SRPRB: variants seen among roughly 807,000 people sequenced by gnomAD.
SRPRB encodes the protein signal recognition particle receptor subunit beta.
SRPRB carries 20 observed loss-of-function variants against 31.9 expected under a neutral mutation model. The ratio of observed to expected loss-of-function variants is 0.63; its 90% confidence interval spans 0.44 to 0.91. SRPRB has a LOEUF of 0.91. Ranked by LOEUF, SRPRB falls within the 40% of genes least tolerant of loss-of-function variation. The probability of loss-of-function intolerance (pLI) is 0.00; values close to 1 mark genes in which losing one functional copy is unlikely to be tolerated. For missense variants in SRPRB, 321 were observed against 324.9 expected (o/e 0.99, Z 0.09); for synonymous variants, 146 against 132.8 (o/e 1.10, Z -0.68).
chr3:133,822,034 G>C (rs1935482276), downstream of SRPRB, among the ~76,000 whole-genome samples: 1 of 152,148 alleles, frequency 6.6e-6, no homozygotes, highest in African/African-American at 2.4e-5. Flanking sequence ...GTTTTGATGG[G>C]AGGTCAAATG....
intron 1 of SRPRB, among the ~76,000 whole-genome samples, chr3:133,798,158 A>G (rs903861848): frequency 3.3e-5 from 5 of 152,248 alleles, no homozygotes; most frequent in Non-Finnish European, 7.3e-5. Flanking sequence ...TCTTTTTGTT[A>G]TAATTGATAG....
intron 3 of SRPRB, 21 bp from the exon 4 acceptor site, chr3:133,811,094 AAT>A: frequency 1.2e-6 from 2 of 1,612,360 alleles, no homozygotes; most frequent in Non-Finnish European, 1.7e-6. Context: ...TTGAAACGTT[AAT>A]GTTATTGCTG....
chr3:133,818,176 A>G (rs1451170005), intron 6 of SRPRB, among the ~76,000 whole-genome samples: 15 of 152,176 alleles, frequency 9.9e-5, no homozygotes, highest in Non-Finnish European at 4.4e-5. Flanking sequence ...TTTTCTAAAA[A>G]TTCTCTTGAA....
chr3:133,786,625 A>G (rs1322118791), intron 1 of SRPRB: 1 of 152,252 alleles, frequency 6.6e-6, no homozygotes, highest in African/African-American at 2.4e-5. Context: ...AAAAGTAGTT[A>G]GTAAACTAAT....
downstream of SRPRB, chr3:133,827,649 A>T (rs1935587119): frequency 3.7e-6 from 2 of 544,318 alleles, no homozygotes; most frequent in South Asian, 4.6e-5. Flanking sequence ...GGGTGAAAAC[A>T]TAGCAACAAA....
At chr3:133,824,758 G>C (rs1393183655), downstream of SRPRB, 1 of 152,148 alleles carries the variant, frequency 6.6e-6, no homozygotes, top group African/African-American at 2.4e-5. Flanking sequence ...CATATGCTGG[G>C]AAGAACCTAG....
downstream of SRPRB, among the ~76,000 whole-genome samples, chr3:133,822,685 CTA>C (rs1222693434): frequency 3.9e-5 from 6 of 152,176 alleles, no homozygotes; most frequent in African/African-American, 9.7e-5. Context: ...TTCAGCCAGT[CTA>C]TGTTTTTTCT....
At chr3:133,815,807 T>A in intron 5 of SRPRB, 81 bp downstream of exon 5, 1 of 1,504,728 alleles carries the variant, frequency 6.6e-7, no homozygotes, top group Non-Finnish European at 9.1e-7. Context: ...TATTTACAGT[T>A]GTTATTATTG....
intron 3 of SRPRB, among the ~76,000 whole-genome samples, chr3:133,808,322 G>GT (rs1553743722): frequency 3.9e-4 from 56 of 142,716 alleles, no homozygotes; most frequent in African/African-American, 8.1e-4. Flanking sequence ...ATCCTTTATT[G>GT]TTGTTTTTTT....
chr3:133,826,393 T>C (rs1935563377), downstream of SRPRB: 1 of 152,254 alleles, frequency 6.6e-6, no homozygotes, highest in Admixed American at 6.5e-5. Flanking sequence ...TTTTATGGGA[T>C]GTTTTTTTAA....
chr3:133,818,849 G>T (rs1935413664), intron 6 of SRPRB, among the ~76,000 whole-genome samples: 1 of 148,688 alleles, frequency 6.7e-6, no homozygotes, highest in African/African-American at 2.5e-5. Flanking sequence ...GTATTGCTTA[G>T]TTTTGCCTGT....
At chr3:133,799,449 T>A (rs1032724081) in intron 1 of SRPRB, among the ~76,000 whole-genome samples, 2 of 152,102 alleles carry the variant, frequency 1.3e-5, no homozygotes, top group Non-Finnish European at 2.9e-5. Context: ...TATATTTGAA[T>A]AAAAACATGA....
intron 1 of SRPRB, chr3:133,790,676 T>C (rs879870059): frequency 1.3e-5 from 2 of 152,258 alleles, no homozygotes; most frequent in Non-Finnish European, 2.9e-5. Context: ...CTTTTTACTA[T>C]AGTTAAGCAT....
upstream of SRPRB, among the ~76,000 whole-genome samples, chr3:133,802,367 C>A (rs1343848331): frequency 6.6e-6 from 1 of 152,178 alleles, no homozygotes; most frequent in Non-Finnish European, 1.5e-5. Flanking sequence ...CCTATTGTCA[C>A]TGCACTCCAG....
At position 133,819,761 on chromosome 3, in the gene SRPRB, G is replaced by T; in HGVS notation, c.811G>T (p.Ala271Ser). The T allele has an allele frequency of 1.9e-6, 3 of 1,613,842 alleles. No homozygotes were observed. Among genetic ancestry groups the T allele is most frequent in the Non-Finnish European group, 1.7e-6 (2 of 1,179,940 alleles). Residue 271 changes from alanine to serine, a missense_variant, in exon 7 of 7, where the codon GCC becomes TCC. Physicochemically the swap from Ala to Ser is moderately conservative, Grantham distance 99 (BLOSUM62 1). Transcript: ENST00000678299. ...QDLEKWLAKI[A>S] ...CTTGGAGAAATGGCTGGCTAAAATT[G>T]CCTGAGAGGCAGCTCTAAAGCACAA...
At chr3:133,790,105 A>G (rs1459422917) in intron 1 of SRPRB, 1 of 152,196 alleles carries the variant, frequency 6.6e-6, no homozygotes, top group South Asian at 2.1e-4. Flanking sequence ...AAACTGTTAA[A>G]AGTGAAACAA....
rs373071143 is a variant in SRPRB, at chr3:133,807,769, C to A, written c.273C>A (p.Asp91Glu). The A allele has an allele frequency of 4.7e-5, 76 of 1,612,496 alleles. No homozygotes were observed. The highest frequency in any genetic ancestry group is 6.3e-5 in the Non-Finnish European group (74 of 1,179,626). The part of the protein sequence containing the change: ...FVRLLTGLYR[D>E]TQTSITDSCA... ...AGTTGTTAACAGGCCTTTATAGAGA[C>A]ACTCAGACGTCCATTACTGACAGCT... The change falls in exon 3 of 7, where the codon GAC becomes GAA. Residue 91 changes from aspartate (D) to glutamate (E), a missense_variant. By Grantham distance (45) the Asp-to-Glu change is conservative. Transcript: ENST00000678299.
downstream of SRPRB, chr3:133,826,461 A>G (rs886196309): frequency 6.6e-6 from 1 of 152,606 alleles, no homozygotes; most frequent in Non-Finnish European, 1.5e-5. Flanking sequence ...ATTCACTGAG[A>G]CCCAGTGCAG....
intron 1 of SRPRB, 85 bp from the exon 2 acceptor site, chr3:133,806,524 T>C: frequency 1.0e-6 from 1 of 1,001,390 alleles, no homozygotes. Flanking sequence ...CGTCACAGAC[T>C]TCTGTGAATT....
Sources: allele counts gnomAD v4.1 joint callset (sites outside exome capture counted in the v4.1 genomes callset), GRCh38; gene constraint gnomAD v4.1.1; transcripts MANE v1.5; gene names NCBI Gene and HGNC (gene_info 2026-07-23, HGNC 2026-07-21).